LRRC4C: variants seen among roughly 807,000 people sequenced by gnomAD.
LRRC4C encodes the protein leucine rich repeat containing 4C, also known as leucine-rich repeat-containing protein 4C.
Under a neutral mutation model 33.6 loss-of-function variants are expected in LRRC4C, and 5 were observed. That is an observed-to-expected ratio of 0.15 (90% CI 0.08 to 0.31). LRRC4C has a LOEUF of 0.31. LRRC4C is among the 10% of genes least tolerant of loss of function. The pLI, the probability that LRRC4C is intolerant of heterozygous loss-of-function variation, is 1.00. For synonymous variants in LRRC4C, 329 were observed against 302.0 expected (o/e 1.09, Z -0.93); for missense variants, 560 against 796.7 (o/e 0.70, Z 3.58).
At chr11:41,237,645 C>A (rs1284515076) in intron 1 of LRRC4C, among the ~76,000 whole-genome samples, 2 of 152,138 alleles carry the variant, frequency 1.3e-5, no homozygotes, top group Admixed American at 6.5e-5. Flanking sequence ...CTGCAAGAAA[C>A]AAAAGCACCA....
intron 4 of LRRC4C, among the ~76,000 whole-genome samples, chr11:40,284,387 T>G (rs1267548819): frequency 6.6e-6 from 1 of 152,136 alleles, no homozygotes; most frequent in Non-Finnish European, 1.5e-5. Context: ...AAGAGGATGT[T>G]CAGCATTACT....
At chr11:40,705,893 C>T (rs7124115) in intron 2 of LRRC4C, among the ~76,000 whole-genome samples, 28,777 of 151,992 alleles carry the variant, frequency 0.19, 3,052 homozygotes, top group African/African-American at 0.27. Context: ...TTAATGATCA[C>T]CATTCTAACT....
intron 3 of LRRC4C, among the ~76,000 whole-genome samples, chr11:40,490,654 C>T (rs925480996): frequency 2.0e-5 from 3 of 152,156 alleles, no homozygotes; most frequent in Admixed American, 6.5e-5. Flanking sequence ...AACGCTTCTC[C>T]TTTTCCACTG....
At chr11:40,563,037 C>G (rs1957613673) in intron 3 of LRRC4C, among the ~76,000 whole-genome samples, 1 of 151,812 alleles carries the variant, frequency 6.6e-6, no homozygotes, top group Non-Finnish European at 1.5e-5. Context: ...TCTTGATCAT[C>G]CTCAGGTACT....
chr11:40,294,924 C>G (rs1418575134), intron 4 of LRRC4C, among the ~76,000 whole-genome samples: 1 of 152,044 alleles, frequency 6.6e-6, no homozygotes, highest in Non-Finnish European at 1.5e-5. Context: ...AGGCTGCGGT[C>G]GAGCAGGATA....
chr11:40,565,837 CT>C (rs1296351838), intron 3 of LRRC4C, among the ~76,000 whole-genome samples: 1 of 151,940 alleles, frequency 6.6e-6, no homozygotes, highest in Non-Finnish European at 1.5e-5. Flanking sequence ...TGTAGTTAAG[CT>C]TTTTGGCCAT....
At chr11:40,245,972 C>CCTTTTT (rs1194665215) in intron 4 of LRRC4C, among the ~76,000 whole-genome samples, 3 of 132,114 alleles carry the variant, frequency 2.3e-5, no homozygotes, top group Non-Finnish European at 3.3e-5. Context: ...AAAGTCCTAA[C>CCTTTTT]TTTTTTTTTT....
At chr11:40,563,312 T>C (rs1194533582) in intron 3 of LRRC4C, among the ~76,000 whole-genome samples, 1 of 152,102 alleles carries the variant, frequency 6.6e-6, no homozygotes, top group Non-Finnish European at 1.5e-5. Context: ...TGGCCCAAAG[T>C]CATGGACTCA....
In LRRC4C at chr11:41,239,602, T is replaced by A. The variant is rs1196584156; in HGVS notation, c.-496+219829A>T. On this transcript the variant is annotated intron_variant, in intron 1 of 6. Coordinates refer to ENST00000528697, the MANE Select transcript of LRRC4C (RefSeq NM_001258419.2). ...AATGTGACTGTCTTACCAAGGGCTG[T>A]CCTGGTCACCCTATTTAAAATTGTA... Among the ~76,000 whole-genome samples the A allele has an allele frequency of 2.6e-5, 4 of 152,298 alleles. No individual in the cohort carries two copies. The East Asian group carries it at 7.7e-4, about 29-fold the overall frequency.
chr11:40,800,415 A>G (rs768525940), intron 2 of LRRC4C, among the ~76,000 whole-genome samples: 2 of 152,196 alleles, frequency 1.3e-5, no homozygotes, highest in Non-Finnish European at 2.9e-5. Context: ...ACTCTTCATC[A>G]ATACCCATAT....
chr11:41,270,331 T>C (rs1056653812), intron 1 of LRRC4C, among the ~76,000 whole-genome samples: 3 of 152,138 alleles, frequency 2.0e-5, no homozygotes, highest in African/African-American at 4.8e-5. Context: ...TTAAAGAAGG[T>C]TCCTTGCTTT....
chr11:40,343,581 T>C (rs1161447187), intron 3 of LRRC4C, among the ~76,000 whole-genome samples: 4 of 151,766 alleles, frequency 2.6e-5, no homozygotes, highest in African/African-American at 9.7e-5. Flanking sequence ...ATTGATTAGC[T>C]CCCACTTATA....
intron 1 of LRRC4C, among the ~76,000 whole-genome samples, chr11:41,214,680 G>A (rs1314285421): frequency 6.7e-6 from 1 of 148,296 alleles, no homozygotes; most frequent in Admixed American, 6.7e-5. Context: ...AACCCAGGAG[G>A]AGGAGCTTGC....
chr11:40,437,397 CTTT>C (rs755579650), intron 3 of LRRC4C, among the ~76,000 whole-genome samples: 1 of 144,096 alleles, frequency 6.9e-6, no homozygotes. Context: ...TTCTTTTTTT[CTTT>C]TTTTTTTTTT....
intron 2 of LRRC4C, among the ~76,000 whole-genome samples, chr11:40,789,093 GAAAAAAAA>G (rs397956716): frequency 2.7e-4 from 17 of 63,532 alleles, no homozygotes; most frequent in African/African-American, 1.1e-3. Flanking sequence ...TCCGTCTCGG[GAAAAAAAA>G]AAAAAAAAAA....
chr11:40,127,966 G>A (rs1406749422), intron 6 of LRRC4C, among the ~76,000 whole-genome samples: 1 of 152,150 alleles, frequency 6.6e-6, no homozygotes, highest in Non-Finnish European at 1.5e-5. Flanking sequence ...CACACATTTA[G>A]TTTTAGTCCT....
intron 3 of LRRC4C, among the ~76,000 whole-genome samples, chr11:40,325,872 T>G (rs1307214940): frequency 1.3e-5 from 2 of 152,116 alleles, no homozygotes; most frequent in African/African-American, 2.4e-5. Context: ...AAGATATATT[T>G]GAGATACTAC....
intron 1 of LRRC4C, among the ~76,000 whole-genome samples, chr11:41,413,019 T>A (rs1954546509): frequency 6.6e-6 from 1 of 151,514 alleles, no homozygotes; most frequent in Non-Finnish European, 1.5e-5. Flanking sequence ...CTGATTGGCA[T>A]GTTTATTTTT....
At position 40,163,846 on chromosome 11, in the gene LRRC4C, C is replaced by CT. The variant is rs1173769075; in HGVS notation, c.-95-22994dup. 4.0e-5 allele frequency among the ~76,000 whole-genome samples: 6 copies of CT among 151,646 alleles called. 1 individual carries two copies. The highest frequency in any genetic ancestry group is 2.1e-4 in the South Asian group (1 of 4,796). On this transcript the variant is annotated intron_variant, in intron 5 of 6. Transcript: ENST00000528697. ...GCAAGTTATAAGGATTTATAACTTG[C>CT]TTTTTTTTGCTTTTGCAAAAAATTG...
Sources: allele counts gnomAD v4.1 joint callset (sites outside exome capture counted in the v4.1 genomes callset), GRCh38; gene constraint gnomAD v4.1.1; transcripts MANE v1.5; gene names NCBI Gene and HGNC (gene_info 2026-07-23, HGNC 2026-07-21).